Variants in PAX7 observed in about 807,000 individuals in gnomAD.
PAX7 encodes the protein paired box protein Pax-7.
Under a neutral mutation model 50.7 loss-of-function variants are expected in PAX7, and 18 were observed. The ratio of observed to expected loss-of-function variants is 0.36; its 90% CI spans 0.25 to 0.53. The LOEUF (loss-of-function observed/expected upper bound fraction) is 0.53. PAX7 is among the 20% of genes least tolerant of loss of function. PAX7 has a pLI of 0.93. For synonymous variants in PAX7, 310 were observed against 290.4 expected, an observed-to-expected ratio of 1.07 and a Z score of -0.69; for missense variants, 644 against 702.9, an observed-to-expected ratio of 0.92 and a Z score of 0.95.
At chr1:18,692,488 G>A (rs1471486090) in intron 5 of PAX7, among the ~76,000 whole-genome samples, 2 of 151,442 alleles carry the variant, frequency 1.3e-5, no homozygotes, top group African/African-American at 4.9e-5. Context: ...GTTGCAGTGA[G>A]CCAAGATTGC....
chr1:18,672,592 CTG>C (rs2088766450), intron 4 of PAX7, among the ~76,000 whole-genome samples: 1 of 143,264 alleles, frequency 7.0e-6, no homozygotes, highest in African/African-American at 2.6e-5. Context: ...CTGGAGAGCA[CTG>C]TGTTTTTTTT....
At chr1:18,685,066 G>A (rs188425438) in intron 4 of PAX7, among the ~76,000 whole-genome samples, 1 of 152,278 alleles carries the variant, frequency 6.6e-6, no homozygotes, top group East Asian at 1.9e-4. Flanking sequence ...TGGTTTTCAG[G>A]ACCAGAAATG....
intron 4 of PAX7, among the ~76,000 whole-genome samples, chr1:18,670,609 G>A (rs1429065339): frequency 6.6e-6 from 1 of 152,118 alleles, no homozygotes; most frequent in Non-Finnish European, 1.5e-5. Context: ...TTGACTCAGG[G>A]CCCAGACCTG....
rs35777270 is a variant in PAX7, at chr1:18,726,030, T to TTG, written c.1156-9588_1156-9587dup. ...CGTGCGCGCGTGTGTGTGCGTGTGT[T>TTG]TGTGTGTGTGTGTGTCTTTGACTTC... On this transcript the variant is annotated intron_variant, in intron 7 of 8. Transcript: ENST00000420770. This position sits in a 1 kb window ranked among gnomAD's most constrained non-coding sequence, Gnocchi z 4.8. 2.5e-4 allele frequency among the ~76,000 whole-genome samples: 38 copies of TTG among 150,042 alleles called. No individual in the cohort carries two copies. The highest frequency in any genetic ancestry group is 1.5e-3 in the South Asian group (7 of 4,752).
chr1:18,711,933 A>T (rs961543111), intron 7 of PAX7, among the ~76,000 whole-genome samples: 5 of 152,016 alleles, frequency 3.3e-5, no homozygotes, highest in Admixed American at 6.6e-5. Context: ...GCTCCCAGAG[A>T]CTGCTCCCCT....
At chr1:18,727,820 G>C (rs1014424135) in intron 7 of PAX7, among the ~76,000 whole-genome samples, 1 of 152,140 alleles carries the variant, frequency 6.6e-6, no homozygotes, top group Non-Finnish European at 1.5e-5. Context: ...GCAGGGCTTC[G>C]GTGTGGGATG....
intron 7 of PAX7, among the ~76,000 whole-genome samples, chr1:18,721,944 T>G (rs919078327): frequency 6.6e-6 from 1 of 152,142 alleles, no homozygotes; most frequent in African/African-American, 2.4e-5. Context: ...TGGAGAGTAT[T>G]ATCTAAGTTG....
chr1:18,731,757 C>A (rs1031046261), intron 7 of PAX7, among the ~76,000 whole-genome samples: 5 of 152,210 alleles, frequency 3.3e-5, no homozygotes, highest in Admixed American at 2.0e-4. Flanking sequence ...TTCACACCCT[C>A]CCCAGATGTG....
At chr1:18,647,732 AT>A (rs2088368420) in intron 4 of PAX7, among the ~76,000 whole-genome samples, 1 of 152,118 alleles carries the variant, frequency 6.6e-6, no homozygotes, top group South Asian at 2.1e-4. Flanking sequence ...CTGCCTCCTC[AT>A]TTCCTCCAAG....
chr1:18,660,014 G>A (rs56075776), intron 4 of PAX7, among the ~76,000 whole-genome samples: 54,644 of 152,080 alleles, frequency 0.36, 10,235 homozygotes, highest in Middle Eastern at 0.43. Context: ...GGTGGTTGAG[G>A]GGAAGCATGG....
chr1:18,682,899 T>C (rs1173368723), intron 4 of PAX7, among the ~76,000 whole-genome samples: 1 of 152,116 alleles, frequency 6.6e-6, no homozygotes, highest in Non-Finnish European at 1.5e-5. Flanking sequence ...CCCTCCCTGC[T>C]CCTGTACCCT....
Position 18,635,232 on chromosome 1 carries a change from T to C in PAX7, c.443T>C (p.Val148Ala). The change falls in exon 3 of 9, where the codon GTG (valine) becomes GCG (alanine). Residue 148 changes from valine (V) to alanine (A), a missense_variant. Physicochemically the swap from Val to Ala is moderately conservative, Grantham distance 64 (BLOSUM62 0). Coordinates refer to ENST00000420770, the MANE Select transcript of PAX7 (RefSeq NM_001135254.2). ...GATGGGCACTGTGACCGAAGCACTGTGCCCTCAGGTGAGAAGGCAGCTGAG... is the reference window on the plus strand; with the variant it reads ...GATGGGCACTGTGACCGAAGCACTGCGCCCTCAGGTGAGAAGGCAGCTGAG... ...LKDGHCDRST[V>A]PSGLVSSISR... The C allele has an allele frequency of 6.2e-7, 1 of 1,613,422 alleles. No homozygotes were observed. Among genetic ancestry groups the C allele is most frequent in the Non-Finnish European group, 8.5e-7 (1 of 1,179,696 alleles).
chr1:18,699,642 G>A (rs1409341978), intron 5 of PAX7, among the ~76,000 whole-genome samples: 5 of 151,158 alleles, frequency 3.3e-5, no homozygotes, highest in Admixed American at 3.3e-4. Flanking sequence ...CTCACTGCAA[G>A]CTCTGCCTCC....
Position 18,745,010 on chromosome 1 carries a change from C to A in PAX7, c.*81C>A. ...TGAGCTTCCCAGCCTTGCCGCCTCA[C>A]CCCCCTGTTGTCCTAGGAGGCCAGG... is the stretch of plus-strand genomic sequence containing the variant. On this transcript the variant is annotated 3_prime_UTR_variant, in exon 9 of 9. Coordinates refer to ENST00000420770, the MANE Select transcript of PAX7 (RefSeq NM_001135254.2). The A allele has an allele frequency of 2.5e-6, 2 of 808,468 alleles. No homozygotes were observed. The highest frequency in any genetic ancestry group is 2.1e-6 in the Non-Finnish European group (1 of 487,494). 50.1% of individuals were successfully genotyped at this position (808,468 alleles called of 1,614,324 possible). A position where few individuals can be genotyped will look rare whatever the true frequency, so the allele number is the denominator to read the frequency against.
Position 18,634,250 on chromosome 1 carries a change from C to A in PAX7, c.86-53C>A. ...TCAGGGAGTGTACTCAGTGTCTGCT[C>A]TCCATCCTCACCCTGCACCTCTCTC... On this transcript the variant is annotated intron_variant, in intron 1 of 8. Coordinates refer to ENST00000420770, the MANE Select transcript of PAX7 (RefSeq NM_001135254.2). This position sits in a 1 kb window ranked among gnomAD's most constrained non-coding sequence, Gnocchi z 4.0. 2.1e-6 allele frequency: 3 copies of A among 1,447,066 alleles called. No homozygotes were observed. The highest frequency in any genetic ancestry group is 2.4e-5 in the South Asian group (2 of 81,976). The allele number at this position is 1,447,066 out of a possible 1,614,324, so 89.6% of individuals were successfully genotyped here.
chr1:18,634,482 C>T lies in PAX7; in HGVS notation c.265C>T (p.Arg89Cys), dbSNP rs2088112466. 6.2e-7 allele frequency: 1 copy of T among 1,614,150 alleles called. No individual in the cohort carries two copies. The highest frequency in any genetic ancestry group is 8.5e-7 in the Non-Finnish European group (1 of 1,180,050). ...SHGCVSKILC[R>C]YQETGSIRPG... ...CGGCTGCGTCTCCAAGATTCTTTGC[C>T]GCTACCAGGAGACCGGGTCCATCCG... The change falls in exon 2 of 9, where the codon CGC (arginine) becomes TGC (cysteine). Residue 89 changes from arginine (R) to cysteine (C), a missense_variant. Transcript: ENST00000420770. The surrounding 1 kb of genome is among the most constrained non-coding windows in gnomAD (Gnocchi z 4.0).
intron 4 of PAX7, among the ~76,000 whole-genome samples, chr1:18,650,007 C>T (rs1209240969): frequency 6.6e-6 from 1 of 152,110 alleles, no homozygotes; most frequent in South Asian, 2.1e-4. Context: ...ATACTCTGGG[C>T]GTGTGTTTAG....
rs1249120428 is a variant in PAX7, at chr1:18,748,550, C to T, written c.*3621C>T. The T allele has an allele frequency of 4.3e-6, 1 of 230,978 alleles. No individual in the cohort carries two copies. The highest frequency in any genetic ancestry group is 6.1e-5 in the East Asian group (1 of 16,334). The allele number at this position is 230,978 out of a possible 1,614,324, so 14.3% of individuals were successfully genotyped here. ...AGCTCTGACGTGGCCAATTCCCTGA[C>T]CTGGGAAATATTTACATAGTACTCT... is the stretch of plus-strand genomic sequence containing the variant. On this transcript the variant is annotated 3_prime_UTR_variant, in exon 9 of 9. Transcript: ENST00000420770.
At chr1:18,639,860 G>A (rs1407028001) in intron 4 of PAX7, among the ~76,000 whole-genome samples, 5 of 152,182 alleles carry the variant, frequency 3.3e-5, no homozygotes, top group African/African-American at 1.2e-4. Flanking sequence ...GATCAGACCA[G>A]GGGCTCCGCT....
Sources: gnomAD v4.1 joint callset for allele counts (sites outside exome capture counted in the v4.1 genomes callset) on GRCh38, gnomAD v4.1.1 for gene constraint, Gnocchi (gnomAD v3.1) non-coding constraint, MANE v1.5 for transcripts, NCBI Gene and HGNC (gene_info 2026-07-23, HGNC 2026-07-21) for gene names.